Variants in UMAD1 observed in about 807,000 individuals in gnomAD.
The protein encoded by UMAD1 is UBAP1-MVB12-associated (UMA) domain containing 1, also known as UBAP1-MVB12-associated (UMA)-domain containing protein 1.
In UMAD1, 8 loss-of-function variants were observed where a neutral mutation model predicts 6.1. That is an observed-to-expected ratio of 1.30 (90% CI 0.76 to 2.35). UMAD1 has a LOEUF of 2.35. Ranked by LOEUF, UMAD1 falls within the 30% of genes most tolerant of loss-of-function variation. The pLI, the probability that UMAD1 is intolerant of heterozygous loss-of-function variation, is 0.00. For missense variants in UMAD1, 130 were observed against 78.4 expected, an observed-to-expected ratio of 1.66 and a Z score of -2.49; for synonymous variants, 56 against 31.4, an observed-to-expected ratio of 1.78 and a Z score of -2.61.
At chr7:7,792,946 C>T (rs181356303) in intron 2 of UMAD1, among the ~76,000 whole-genome samples, 3 of 152,274 alleles carry the variant, frequency 2.0e-5, no homozygotes, top group South Asian at 2.1e-4. Flanking sequence ...AGGGCTCCAT[C>T]CTCATGACCT....
chr7:7,722,951 AT>A (rs1781076709), intron 2 of UMAD1, among the ~76,000 whole-genome samples: 1 of 152,204 alleles, frequency 6.6e-6, no homozygotes, highest in Admixed American at 6.5e-5. Flanking sequence ...TATTGGCAAC[AT>A]TCCCTCTCCA....
At chr7:7,768,609 G>A (rs1330189268) in intron 2 of UMAD1, among the ~76,000 whole-genome samples, 1 of 152,008 alleles carries the variant, frequency 6.6e-6, no homozygotes, top group Non-Finnish European at 1.5e-5. Flanking sequence ...TCAATGTCGT[G>A]CTTCATTTTA....
At chr7:7,756,489 G>A (rs1448229384) in intron 2 of UMAD1, among the ~76,000 whole-genome samples, 3 of 152,132 alleles carry the variant, frequency 2.0e-5, no homozygotes, top group Non-Finnish European at 4.4e-5. Context: ...TTCCAAAGAT[G>A]GCCCAGGATC....
At chr7:7,809,719 G>A (rs1782986413) in intron 3 of UMAD1, among the ~76,000 whole-genome samples, 1 of 151,730 alleles carries the variant, frequency 6.6e-6, no homozygotes, top group Non-Finnish European at 1.5e-5. Context: ...CCTTCCCTCA[G>A]CCTAAAATTT....
chr7:7,685,783 T>C (rs1303695473), intron 2 of UMAD1: 1 of 152,248 alleles, frequency 6.6e-6, no homozygotes, highest in Non-Finnish European at 1.5e-5. Context: ...GAAAAAAATT[T>C]AAGTGTTTTC....
At chr7:7,697,040 T>C (rs1015077677) in intron 2 of UMAD1, among the ~76,000 whole-genome samples, 9 of 152,174 alleles carry the variant, frequency 5.9e-5, no homozygotes, top group African/African-American at 2.2e-4. Context: ...TTAGTACACA[T>C]GCCAAGCAGT....
chr7:7,659,259 C>T (rs950810879), intron 1 of UMAD1, among the ~76,000 whole-genome samples: 9 of 152,072 alleles, frequency 5.9e-5, no homozygotes, highest in Non-Finnish European at 1.2e-4. Flanking sequence ...AAGCCAGCTC[C>T]TGGATTCATT....
intron 3 of UMAD1, among the ~76,000 whole-genome samples, chr7:7,858,841 T>G (rs1378921000): frequency 1.3e-5 from 2 of 152,210 alleles, no homozygotes; most frequent in East Asian, 3.8e-4. Flanking sequence ...CTAATGGCTT[T>G]CTTTCATACA....
chr7:7,835,923 T>C (rs1478297629), intron 3 of UMAD1, among the ~76,000 whole-genome samples: 1 of 152,054 alleles, frequency 6.6e-6, no homozygotes, highest in African/African-American at 2.4e-5. Flanking sequence ...TAAGTGGATA[T>C]TTTTACATTC....
chr7:7,706,816 A>G (rs187066013), intron 2 of UMAD1, among the ~76,000 whole-genome samples: 114 of 152,222 alleles, frequency 7.5e-4, no homozygotes, highest in African/African-American at 2.6e-3. Flanking sequence ...TCTACATCCT[A>G]TCTGTTGGTT....
At chr7:7,661,549 C>G (rs892623513) in intron 1 of UMAD1, among the ~76,000 whole-genome samples, 8 of 152,136 alleles carry the variant, frequency 5.3e-5, no homozygotes, top group African/African-American at 1.9e-4. Context: ...GTTAGTTTTC[C>G]TTCTGACAGG....
intron 3 of UMAD1, among the ~76,000 whole-genome samples, chr7:7,861,107 G>A (rs897055562): frequency 6.6e-6 from 1 of 152,206 alleles, no homozygotes; most frequent in African/African-American, 2.4e-5. Context: ...GGGGAGAGGA[G>A]GGATGGGGAG....
intron 2 of UMAD1, among the ~76,000 whole-genome samples, chr7:7,718,030 T>G (rs887376708): frequency 6.6e-6 from 1 of 152,226 alleles, no homozygotes; most frequent in African/African-American, 2.4e-5. Flanking sequence ...ATTGACACAA[T>G]GATTTTTAAT....
In UMAD1 at chr7:7,877,864, G is replaced by A; in HGVS notation, c.*326G>A. On this transcript the variant is annotated 3_prime_UTR_variant, in exon 4 of 4. Coordinates refer to ENST00000682710, the MANE Select transcript of UMAD1 (RefSeq NM_001302348.2). ...AGAAGAACTGTGAAAAAGAATTGTGGCATTTTTCAGTCACTACAGCTCCGA... is the reference window on the plus strand; with the variant it reads ...AGAAGAACTGTGAAAAAGAATTGTGACATTTTTCAGTCACTACAGCTCCGA... 2 of 253,100 alleles carry A rather than the reference G, an allele frequency of 7.9e-6. No homozygotes were observed. Among genetic ancestry groups the A allele is most frequent in the South Asian group, 6.1e-5 (1 of 16,316 alleles). 15.7% of individuals were successfully genotyped at this position (253,100 alleles called of 1,614,324 possible).
chr7:7,643,256 G>C (rs1785015869), intron 1 of UMAD1, among the ~76,000 whole-genome samples: 1 of 152,200 alleles, frequency 6.6e-6, no homozygotes, highest in Non-Finnish European at 1.5e-5. Flanking sequence ...AAATGGTAAA[G>C]TATGATCTTC....
intron 3 of UMAD1, among the ~76,000 whole-genome samples, chr7:7,854,496 A>G (rs1783978239): frequency 6.6e-6 from 1 of 152,118 alleles, no homozygotes; most frequent in African/African-American, 2.4e-5. Context: ...AGTACCAGCA[A>G]GGGAAATGCC....
intron 2 of UMAD1, chr7:7,742,363 C>T: frequency 5.0e-6 from 3 of 598,184 alleles, no homozygotes; most frequent in Non-Finnish European, 9.8e-6. Context: ...GGGCGCTCTT[C>T]CGAGGATATC....
At chr7:7,782,411 T>C (rs776952840) in intron 2 of UMAD1, among the ~76,000 whole-genome samples, 23 of 152,204 alleles carry the variant, frequency 1.5e-4, no homozygotes. Flanking sequence ...AGTATTTGTG[T>C]CAGGGGTTGT....
intron 2 of UMAD1, among the ~76,000 whole-genome samples, chr7:7,684,665 T>TACAAGTATAA (rs1304659312): frequency 6.6e-6 from 1 of 152,238 alleles, no homozygotes; most frequent in Non-Finnish European, 1.5e-5. Context: ...TTAAATTAAT[T>TACAAGTATAA]ATACAATGTG....
Sources: allele counts gnomAD v4.1 joint callset (sites outside exome capture counted in the v4.1 genomes callset), GRCh38; gene constraint gnomAD v4.1.1; transcripts MANE v1.5; gene names NCBI Gene and HGNC (gene_info 2026-07-23, HGNC 2026-07-21).